The following PIN4 variants were observed in gnomAD, a reference collection of about 807,000 sequenced individuals.
PIN4 encodes the protein peptidylprolyl cis/trans isomerase, NIMA-interacting 4.
Under a neutral mutation model 8.3 loss-of-function variants are expected in PIN4, and 3 were observed. The observed-to-expected ratio is 0.36, with a 90% confidence interval of 0.16 to 0.93. PIN4 has a LOEUF of 0.93. Ranked by LOEUF, PIN4 falls within the 40% of genes least tolerant of loss-of-function variation. The probability of loss-of-function intolerance (pLI) is 0.44; values close to 1 mark genes in which losing one functional copy is unlikely to be tolerated. For synonymous variants in PIN4, 18 were observed against 32.5 expected (o/e 0.55, Z 1.52); for missense variants, 75 against 100.6 (o/e 0.75, Z 1.09).
At chrX:72,247,153 A>C (rs369924708) in intron 3 of PIN4, among the ~76,000 whole-genome samples, 1 of 111,634 alleles carries the variant, frequency 9.0e-6, no homozygotes, top group East Asian at 2.8e-4. Context: ...GGGAGGGCCA[A>C]GCATACCCAT....
At chrX:72,205,495 C>G (rs1054753460) in intron 3 of PIN4, 1 of 1,211,629 alleles carries the variant, frequency 8.3e-7, no homozygotes, top group Non-Finnish European at 1.1e-6. Context: ...AGCCAGAGAT[C>G]TTCTAGAGTT....
At chrX:72,229,222 G>A (rs1014972301) in intron 3 of PIN4, among the ~76,000 whole-genome samples, 6 of 110,876 alleles carry the variant, frequency 5.4e-5, no homozygotes, top group Non-Finnish European at 7.5e-5. Flanking sequence ...CCTAACCAAC[G>A]CAACCGTACT....
At chrX:72,212,003 G>C (rs2042857222) in intron 3 of PIN4, among the ~76,000 whole-genome samples, 1 of 111,247 alleles carries the variant, frequency 9.0e-6, no homozygotes, top group East Asian at 2.8e-4. Flanking sequence ...GGCTGGGCAT[G>C]GTGGCTCATG....
At chrX:72,190,888 G>T (rs1202911658) in intron 2 of PIN4, among the ~76,000 whole-genome samples, 3 of 106,949 alleles carry the variant, frequency 2.8e-5, no homozygotes, top group Non-Finnish European at 5.8e-5. Context: ...GGGAGACAGA[G>T]GTAGCAGTGA....
At chrX:72,221,902 T>G (rs1488895496) in intron 3 of PIN4, among the ~76,000 whole-genome samples, 1 of 109,835 alleles carries the variant, frequency 9.1e-6, no homozygotes, top group Non-Finnish European at 1.9e-5. Context: ...GCGAAAACCC[T>G]TCCTCCAAAA....
At chrX:72,213,037 A>G (rs1353546413) in intron 3 of PIN4, among the ~76,000 whole-genome samples, 1 of 112,234 alleles carries the variant, frequency 8.9e-6, no homozygotes, top group African/African-American at 3.2e-5. Flanking sequence ...ACAATCAGAA[A>G]TGCTCTTTGT....
chrX:72,251,140 A>G lies in PIN4; in HGVS notation c.313-11567A>G, dbSNP rs746807577. Among the ~76,000 whole-genome samples the G allele has an allele frequency of 4.3e-3, 444 of 104,426 alleles. 2 individuals are homozygous for G. Among genetic ancestry groups the G allele is most frequent in the African/African-American group, 0.014 (413 of 28,763 alleles). The allele number at this position is 104,426 out of a possible 115,157, so 90.7% of individuals were successfully genotyped here. ...TGGGAGGCAGAGGCGGGCGGATCACAAGGTCAGGAGATCGAGACCATCCTG... is the reference window on the plus strand; with the variant it reads ...TGGGAGGCAGAGGCGGGCGGATCACGAGGTCAGGAGATCGAGACCATCCTG... On this transcript the variant is annotated intron_variant, in intron 3 of 3. Transcript: ENST00000423432.
chrX:72,232,052 C>T (rs754560761), intron 3 of PIN4, among the ~76,000 whole-genome samples: 2 of 109,205 alleles, frequency 1.8e-5, no homozygotes, highest in South Asian at 7.9e-4. Context: ...GCACTCCAGC[C>T]TAGATGACAG....
At chrX:72,218,743 A>G (rs764512591) in intron 3 of PIN4, among the ~76,000 whole-genome samples, 26 of 111,585 alleles carry the variant, frequency 2.3e-4, no homozygotes, top group African/African-American at 8.5e-4. Flanking sequence ...AAGCCAGCTG[A>G]GATTTTCTTA....
In PIN4 at chrX:72,192,064, G is replaced by A. The variant is rs900179810; in HGVS notation, c.118-4721G>A. 2.7e-5 allele frequency among the ~76,000 whole-genome samples: 3 copies of A among 110,835 alleles called. No individual in the cohort carries two copies. In the Admixed American group the frequency reaches 2.9e-4, roughly 11 times the overall value. On this transcript the variant is annotated intron_variant, in intron 2 of 3. Transcript: ENST00000373669. ...TCTCCCAGTTTCAAGCGATTCTCCT[G>A]CTTCAGCCTCCCGAGTAGCTGGGAT...
intron 2 of PIN4, among the ~76,000 whole-genome samples, chrX:72,193,109 C>T (rs919885368): frequency 1.2e-4 from 13 of 111,538 alleles, no homozygotes; most frequent in African/African-American, 3.9e-4. Flanking sequence ...GTTGCCAGTT[C>T]GTTGGTCACA....
At chrX:72,237,381 G>A (rs1305576523) in intron 3 of PIN4, among the ~76,000 whole-genome samples, 2 of 110,320 alleles carry the variant, frequency 1.8e-5, no homozygotes, top group Non-Finnish European at 3.8e-5. Flanking sequence ...GGCGGATCAC[G>A]AGGTCAGGAG....
chrX:72,187,536 T>A (rs979531547), intron 2 of PIN4, among the ~76,000 whole-genome samples: 4 of 111,830 alleles, frequency 3.6e-5, no homozygotes, highest in Non-Finnish European at 7.5e-5. Context: ...CAATGGTTCA[T>A]TCCTGTAATC....
chrX:72,204,509 T>A (rs1302146252), intron 3 of PIN4: 1 of 112,917 alleles, frequency 8.9e-6, no homozygotes, highest in Non-Finnish European at 1.9e-5. Flanking sequence ...TTTCCTCACT[T>A]GTGGCATCAT....
intron 3 of PIN4, among the ~76,000 whole-genome samples, chrX:72,230,381 C>T (rs1179570541): frequency 2.7e-5 from 3 of 109,836 alleles, no homozygotes; most frequent in Non-Finnish European, 5.7e-5. Flanking sequence ...CCTCTCCTCC[C>T]AGAGACATTC....
At chrX:72,216,892 T>C (rs748140037) in intron 3 of PIN4, among the ~76,000 whole-genome samples, 3 of 111,984 alleles carry the variant, frequency 2.7e-5, no homozygotes, top group Non-Finnish European at 5.6e-5. Flanking sequence ...AATTTTTCAT[T>C]TTTAGTTAGA....
chrX:72,208,437 C>T, intron 3 of PIN4: 1 of 1,211,722 alleles, frequency 8.3e-7, no homozygotes, highest in East Asian at 3.0e-5. Flanking sequence ...CATCCCTATA[C>T]AGGCTATAGA....
chrX:72,231,150 A>G (rs1028013070), intron 3 of PIN4, among the ~76,000 whole-genome samples: 108 of 112,368 alleles, frequency 9.6e-4, no homozygotes, highest in African/African-American at 3.4e-3. Context: ...TATTCATAGT[A>G]GCCAAGAAAA....
chrX:72,250,700 A>G (rs2147615520), intron 3 of PIN4, among the ~76,000 whole-genome samples: 1 of 108,097 alleles, frequency 9.3e-6, no homozygotes, highest in African/African-American at 3.4e-5. Flanking sequence ...ATAAAAATAA[A>G]TAAAAACATA....
Sources: gnomAD v4.1 joint callset for allele counts (sites outside exome capture counted in the v4.1 genomes callset) on GRCh38, gnomAD v4.1.1 for gene constraint, MANE v1.5 for transcripts, NCBI Gene and HGNC (gene_info 2026-07-23, HGNC 2026-07-21) for gene names.